The following LRBA variants were observed in gnomAD, a reference collection of about 807,000 sequenced individuals.
LRBA encodes the protein LPS responsive beige-like anchor protein.
A neutral mutation model predicts 330.0 loss-of-function variants in LRBA; 176 were observed. That is an observed-to-expected ratio of 0.53 (90% CI 0.47 to 0.60). The LOEUF (loss-of-function observed/expected upper bound fraction) is 0.60, where lower values mean the gene tolerates loss of function less well. Among genes scored for constraint, LRBA ranks in the 20% least tolerant of loss-of-function variants. The pLI is 0.00. For missense variants in LRBA, 3,259 were observed against 3,444.8 expected, an observed-to-expected ratio of 0.95 and a Z score of 1.35; for synonymous variants, 1,230 against 1,193.0, an observed-to-expected ratio of 1.03 and a Z score of -0.64.
At chr4:150,515,498 C>G (rs1189090427) in intron 40 of LRBA, among the ~76,000 whole-genome samples, 1 of 152,076 alleles carries the variant, frequency 6.6e-6, no homozygotes, top group African/African-American at 2.4e-5. Flanking sequence ...AGATGCTTGT[C>G]TTAAATTAAT....
intron 37 of LRBA, among the ~76,000 whole-genome samples, chr4:150,601,531 A>G (rs917731445): frequency 1.3e-5 from 2 of 152,162 alleles, no homozygotes; most frequent in African/African-American, 4.8e-5. Flanking sequence ...ATACCTTGAC[A>G]CTAAAAAAAA....
intron 40 of LRBA, among the ~76,000 whole-genome samples, chr4:150,560,972 C>T (rs763810609): frequency 2.6e-5 from 4 of 151,660 alleles, no homozygotes; most frequent in East Asian, 1.9e-4. Flanking sequence ...GCAACAAGAG[C>T]GAAACTCCAT....
chr4:150,468,999 T>C (rs1261917405), intron 43 of LRBA, among the ~76,000 whole-genome samples: 1 of 151,958 alleles, frequency 6.6e-6, no homozygotes, highest in Non-Finnish European at 1.5e-5. Flanking sequence ...ATAATTTTAA[T>C]TTCTCCATTA....
chr4:150,788,234 G>A (rs895893122), intron 34 of LRBA, among the ~76,000 whole-genome samples: 10 of 137,608 alleles, frequency 7.3e-5, no homozygotes, highest in East Asian at 6.2e-4. Flanking sequence ...TACCACACCC[G>A]GTTAATTTTT....
At chr4:150,978,214 G>A (rs1740424592) in intron 2 of LRBA, among the ~76,000 whole-genome samples, 1 of 152,246 alleles carries the variant, frequency 6.6e-6, no homozygotes, top group Non-Finnish European at 1.5e-5. Context: ...CATACCATTT[G>A]TTTGGGACAA....
At chr4:150,492,427 G>A (rs369317274) in intron 40 of LRBA, among the ~76,000 whole-genome samples, 2 of 152,174 alleles carry the variant, frequency 1.3e-5, no homozygotes, top group East Asian at 3.9e-4. Context: ...GTAAAATAAA[G>A]GTAAATGAAC....
At chr4:150,433,069 T>A (rs1206155612) in intron 46 of LRBA, among the ~76,000 whole-genome samples, 7 of 152,130 alleles carry the variant, frequency 4.6e-5, no homozygotes, top group Non-Finnish European at 1.0e-4. Flanking sequence ...AAAATATCAG[T>A]AGGCTTCACA....
chr4:150,534,611 T>C (rs987082607), intron 40 of LRBA, among the ~76,000 whole-genome samples: 1 of 152,122 alleles, frequency 6.6e-6, no homozygotes, highest in Non-Finnish European at 1.5e-5. Context: ...TAAACGTTTT[T>C]AGATACTTTT....
intron 37 of LRBA, among the ~76,000 whole-genome samples, chr4:150,639,932 C>A (rs886909603): frequency 7.0e-6 from 1 of 142,530 alleles, no homozygotes; most frequent in African/African-American, 2.7e-5. Flanking sequence ...TCTCTGCTCA[C>A]TGCAACCTCC....
chr4:150,930,954 C>T (rs1734423266), intron 2 of LRBA, among the ~76,000 whole-genome samples: 3 of 152,172 alleles, frequency 2.0e-5, no homozygotes, highest in Non-Finnish European at 2.9e-5. Flanking sequence ...CCTGGATAAA[C>T]GCTATAAGCT....
intron 47 of LRBA, among the ~76,000 whole-genome samples, chr4:150,387,400 G>A (rs985665477): frequency 2.6e-5 from 4 of 152,188 alleles, no homozygotes; most frequent in East Asian, 1.9e-4. Context: ...TATAATATCC[G>A]AAAATAAGAT....
chr4:150,479,172 G>A (rs1757031819), intron 42 of LRBA, among the ~76,000 whole-genome samples: 1 of 151,826 alleles, frequency 6.6e-6, no homozygotes, highest in South Asian at 2.1e-4. Context: ...CCCAGCTACC[G>A]GGAAGCTGAG....
intron 30 of LRBA, among the ~76,000 whole-genome samples, chr4:150,825,913 C>A (rs551017555): frequency 1.7e-4 from 26 of 152,074 alleles, no homozygotes; most frequent in African/African-American, 6.0e-4. Context: ...CGCATAAGAA[C>A]TATTGTAAAG....
chr4:150,831,831 T>G lies in LRBA; in HGVS notation c.4715A>C (p.Asn1572Thr), dbSNP rs1210281039. ...TGCAAACTTACCAGAGAGTGATACATTCTCATTTTCACTGCCAGTTTCTGT... is the reference window on the plus strand; with the variant it reads ...TGCAAACTTACCAGAGAGTGATACAGTCTCATTTTCACTGCCAGTTTCTGT... ...SCTETGSENE[N>T]VSLSEITPAA... Residue 1572 changes from asparagine (N) to threonine (T), a missense_variant, in exon 29 of 57, where the codon AAT becomes ACT. Asn to Thr is a moderately conservative substitution (Grantham distance 65, BLOSUM62 0). Coordinates refer to ENST00000651943, the MANE Select transcript of LRBA (RefSeq NM_001364905.1). 6.3e-7 allele frequency: 1 copy of G among 1,596,832 alleles called. No individual in the cohort carries two copies. Among genetic ancestry groups the G allele is most frequent in the Non-Finnish European group, 8.5e-7 (1 of 1,172,258 alleles).
At chr4:150,532,523 T>C (rs1269379374) in intron 40 of LRBA, among the ~76,000 whole-genome samples, 3 of 152,142 alleles carry the variant, frequency 2.0e-5, no homozygotes, top group African/African-American at 7.2e-5. Context: ...CCTAATAGTA[T>C]GTGTTATATG....
intron 37 of LRBA, among the ~76,000 whole-genome samples, chr4:150,643,872 A>G (rs115416013): frequency 6.6e-6 from 1 of 151,902 alleles, no homozygotes; most frequent in Non-Finnish European, 1.5e-5. Context: ...TTTTATTGGA[A>G]CAGAGCCATA....
intron 42 of LRBA, 43 bp from the exon 43 acceptor site, chr4:150,471,782 C>A (rs1397818197): frequency 2.3e-6 from 2 of 863,642 alleles, no homozygotes; most frequent in East Asian, 2.4e-5. Flanking sequence ...AATTATATCA[C>A]AATAATAAAT....
chr4:150,422,833 A>C (rs899566205), intron 46 of LRBA: 15 of 1,444,980 alleles, frequency 1.0e-5, no homozygotes, highest in Non-Finnish European at 1.4e-5. Flanking sequence ...CCCTGCAGCC[A>C]GGCTGTACTG....
intron 40 of LRBA, among the ~76,000 whole-genome samples, chr4:150,559,683 ATTATAT>A (rs1464286090): frequency 3.3e-4 from 27 of 82,722 alleles, no homozygotes; most frequent in African/African-American, 3.5e-4. Context: ...TATATAATAT[ATTATAT>A]TATATATTAT....
Sources: gnomAD v4.1 joint callset for allele counts (sites outside exome capture counted in the v4.1 genomes callset) on GRCh38, gnomAD v4.1.1 for gene constraint, MANE v1.5 for transcripts, NCBI Gene and HGNC (gene_info 2026-07-23, HGNC 2026-07-21) for gene names.